KCNMA1: variants seen among roughly 807,000 people sequenced by gnomAD.
The protein encoded by KCNMA1 is potassium calcium-activated channel subfamily M alpha 1, also known as Calcium-activated potassium channel subunit alpha-1.
KCNMA1 carries 29 observed loss-of-function variants against 140.0 expected under a neutral mutation model. The ratio of observed to expected loss-of-function variants is 0.21; its 90% CI spans 0.15 to 0.28. The LOEUF (loss-of-function observed/expected upper bound fraction) is 0.28, where lower values mean the gene tolerates loss of function less well. KCNMA1 is among the 10% of genes least tolerant of loss of function. The probability of loss-of-function intolerance (pLI) is 1.00; values close to 1 mark genes in which losing one functional copy is unlikely to be tolerated. For missense variants in KCNMA1, 880 were observed against 1,602.2 expected (o/e 0.55, Z 7.70); for synonymous variants, 612 against 611.9 (o/e 1.00, Z 0.00).
chr10:77,459,341 G>A (rs1170573786), intron 1 of KCNMA1, among the ~76,000 whole-genome samples: 1 of 152,222 alleles, frequency 6.6e-6, no homozygotes, highest in African/African-American at 2.4e-5. Context: ...ATTCTCCCTG[G>A]AGACAACACA....
At chr10:77,233,648 C>A (rs1269833074) in intron 3 of KCNMA1, among the ~76,000 whole-genome samples, 1 of 152,198 alleles carries the variant, frequency 6.6e-6, no homozygotes, top group Non-Finnish European at 1.5e-5. Context: ...TTAAAGTTAT[C>A]TACTGGGAAA....
At chr10:77,151,501 A>G (rs1329078039) in intron 5 of KCNMA1, among the ~76,000 whole-genome samples, 4 of 152,090 alleles carry the variant, frequency 2.6e-5, no homozygotes, top group Non-Finnish European at 5.9e-5. Context: ...TGCTGGGATT[A>G]CAGGCATGAG....
chr10:77,119,512 A>G (rs1390890571), intron 6 of KCNMA1, among the ~76,000 whole-genome samples: 1 of 152,176 alleles, frequency 6.6e-6, no homozygotes, highest in African/African-American at 2.4e-5. Flanking sequence ...CATCTTTAAA[A>G]CACAGTCTAG....
intron 3 of KCNMA1, among the ~76,000 whole-genome samples, chr10:77,229,811 A>G (rs1334998287): frequency 6.6e-6 from 1 of 152,208 alleles, no homozygotes; most frequent in Non-Finnish European, 1.5e-5. Flanking sequence ...GTTGGCGAGG[A>G]TGTGGACAAA....
chr10:77,432,759 C>A (rs1033802414), intron 1 of KCNMA1, among the ~76,000 whole-genome samples: 6 of 152,166 alleles, frequency 3.9e-5, no homozygotes, highest in Non-Finnish European at 7.3e-5. Flanking sequence ...AAAAAAACAA[C>A]AACAAATCAT....
intron 2 of KCNMA1, chr10:77,315,723 C>T (rs1169449188): frequency 6.6e-6 from 1 of 152,204 alleles, no homozygotes; most frequent in Non-Finnish European, 1.5e-5. Context: ...TCCCCCACAC[C>T]ACCAAAGAAG....
At chr10:77,122,089 C>A (rs550319985) in intron 5 of KCNMA1, among the ~76,000 whole-genome samples, 20 of 152,226 alleles carry the variant, frequency 1.3e-4, no homozygotes, top group African/African-American at 4.6e-4. Context: ...TGTTCTCCCA[C>A]GCCCGTGAGC....
intron 1 of KCNMA1, among the ~76,000 whole-genome samples, chr10:77,441,580 T>A (rs1234811331): frequency 6.6e-6 from 1 of 151,022 alleles, no homozygotes; most frequent in African/African-American, 2.4e-5. Context: ...CAGGGTTATA[T>A]CCAGAGAACA....
At chr10:76,877,716 A>G (rs1389504132), downstream of KCNMA1, 1 of 1,548,738 alleles carries the variant, frequency 6.5e-7, no homozygotes, top group South Asian at 1.2e-5. Context: ...GGCTTTAAAA[A>G]AATAGTTCTG....
chr10:77,318,794 T>A (rs1245893815), intron 2 of KCNMA1, among the ~76,000 whole-genome samples: 1 of 151,900 alleles, frequency 6.6e-6, no homozygotes, highest in East Asian at 1.9e-4. Context: ...TTGAGGAAGG[T>A]TTTTGTATCC....
In KCNMA1 at chr10:77,568,938, A is replaced by G. The variant is rs2069609617; in HGVS notation, c.378+68327T>C. Among the ~76,000 whole-genome samples, 4 of 149,332 alleles carry G rather than the reference A, an allele frequency of 2.7e-5. No homozygotes were observed. The South Asian group carries it at 6.4e-4, about 24-fold the overall frequency. The stretch of plus-strand genomic sequence containing the variant: ...AAATCACAAGCATTCTCATACACCA[A>G]CAACAGACAAACAGAGAGCCAAATC... On this transcript the variant is annotated intron_variant, in intron 1 of 27. Coordinates refer to ENST00000286628, the MANE Select transcript of KCNMA1 (RefSeq NM_001161352.2).
At chr10:77,312,132 C>G (rs1602121466) in intron 2 of KCNMA1, among the ~76,000 whole-genome samples, 1 of 152,182 alleles carries the variant, frequency 6.6e-6, no homozygotes, top group African/African-American at 2.4e-5. Context: ...ATGAAGAGTG[C>G]TAGGGTGAGG....
intron 5 of KCNMA1, among the ~76,000 whole-genome samples, chr10:77,142,689 A>G (rs1397703386): frequency 6.6e-6 from 1 of 152,188 alleles, no homozygotes; most frequent in Non-Finnish European, 1.5e-5. Flanking sequence ...TTAAAAAGAA[A>G]TTGGTGAGAA....
intron 5 of KCNMA1, among the ~76,000 whole-genome samples, chr10:77,146,718 A>G (rs1448944220): frequency 1.1e-3 from 168 of 146,454 alleles, no homozygotes; most frequent in African/African-American, 4.1e-3. Flanking sequence ...AAAAAAAAAA[A>G]AAAAAAAAAA....
intron 25 of KCNMA1, among the ~76,000 whole-genome samples, chr10:76,895,585 G>T (rs1222296185): frequency 6.6e-6 from 1 of 152,138 alleles, no homozygotes; most frequent in Non-Finnish European, 1.5e-5. Flanking sequence ...TTATATCCGT[G>T]CAATGAGTAT....
At chr10:77,132,243 T>C (rs1458417257) in intron 5 of KCNMA1, among the ~76,000 whole-genome samples, 1 of 152,132 alleles carries the variant, frequency 6.6e-6, no homozygotes, top group Non-Finnish European at 1.5e-5. Context: ...GCCAGCTTAA[T>C]AGAAGAATGG....
At chr10:77,416,583 G>A (rs1198377912) in intron 1 of KCNMA1, among the ~76,000 whole-genome samples, 1 of 152,174 alleles carries the variant, frequency 6.6e-6, no homozygotes, top group Non-Finnish European at 1.5e-5. Flanking sequence ...AAGCAATTTG[G>A]AGTAAAAAGA....
intron 14 of KCNMA1, among the ~76,000 whole-genome samples, chr10:77,051,731 A>G (rs961706751): frequency 2.0e-5 from 3 of 152,186 alleles, no homozygotes; most frequent in Admixed American, 6.5e-5. Flanking sequence ...AAAAAATCCC[A>G]GCCTTATCAT....
chr10:77,099,682 C>G (rs1232905905), intron 9 of KCNMA1, among the ~76,000 whole-genome samples: 1 of 149,720 alleles, frequency 6.7e-6, no homozygotes, highest in Non-Finnish European at 1.5e-5. Context: ...CCATTGCACT[C>G]CAGCCTGGGC....
Sources: allele counts gnomAD v4.1 joint callset (sites outside exome capture counted in the v4.1 genomes callset), GRCh38; gene constraint gnomAD v4.1.1; transcripts MANE v1.5; gene names NCBI Gene and HGNC (gene_info 2026-07-23, HGNC 2026-07-21).